Variants in AXDND1 observed in about 807,000 individuals in gnomAD.
AXDND1 encodes axonemal dynein light chain domain containing 1.
AXDND1 carries 110 observed loss-of-function variants against 137.5 expected under a neutral mutation model. The ratio of observed to expected loss-of-function variants is 0.80; its 90% CI spans 0.69 to 0.94. AXDND1 has a LOEUF of 0.94. Ranked by LOEUF, AXDND1 falls within the 40% of genes least tolerant of loss-of-function variation. The pLI is 0.00. For missense variants in AXDND1, 1,191 were observed against 1,169.8 expected, an observed-to-expected ratio of 1.02 and a Z score of -0.26; for synonymous variants, 414 against 399.7, an observed-to-expected ratio of 1.04 and a Z score of -0.43.
chr1:179,523,732 G>T (rs981788658), intron 21 of AXDND1, among the ~76,000 whole-genome samples: 1 of 151,886 alleles, frequency 6.6e-6, no homozygotes, highest in Non-Finnish European at 1.5e-5. Flanking sequence ...TTCCCAATAG[G>T]TTTTTGGGGA....
intron 12 of AXDND1, among the ~76,000 whole-genome samples, chr1:179,417,860 C>A (rs1298037825): frequency 1.3e-5 from 2 of 151,848 alleles, no homozygotes; most frequent in East Asian, 3.9e-4. Context: ...AATATATTTC[C>A]ATTTTTTATG....
intron 12 of AXDND1, among the ~76,000 whole-genome samples, chr1:179,414,278 A>G (rs1654347729): frequency 1.3e-5 from 2 of 152,082 alleles, no homozygotes; most frequent in African/African-American, 2.4e-5. Flanking sequence ...AAGAAGGGAT[A>G]AGACCTGTAT....
At chr1:179,499,737 A>C (rs1463511644) in intron 20 of AXDND1, among the ~76,000 whole-genome samples, 1 of 152,216 alleles carries the variant, frequency 6.6e-6, no homozygotes, top group East Asian at 1.9e-4. Context: ...TAAGACAAAA[A>C]GATGCAAAAA....
intron 18 of AXDND1, among the ~76,000 whole-genome samples, chr1:179,484,706 T>A (rs1443115035): frequency 6.6e-6 from 1 of 152,170 alleles, no homozygotes; most frequent in Non-Finnish European, 1.5e-5. Context: ...TTTGCTAGTG[T>A]GGTTGCATGT....
chr1:179,534,715 T>C lies in AXDND1; in HGVS notation c.2799-15T>C, dbSNP rs1671349444. ...CAACCCTTTCTATTTTGTTGTGTCT[T>C]CTCTTCCATATCAGGGAGGTTGAAA... On this transcript the variant is annotated splice_polypyrimidine_tract_variant and intron_variant, in intron 24 of 25. Transcript: ENST00000367618. 1 of 1,563,178 alleles carries C rather than the reference T, an allele frequency of 6.4e-7. No homozygotes were observed. The highest frequency in any genetic ancestry group is 8.6e-7 in the Non-Finnish European group (1 of 1,164,498).
At chr1:179,404,474 G>A (rs759605961) in intron 11 of AXDND1, among the ~76,000 whole-genome samples, 5 of 135,032 alleles carry the variant, frequency 3.7e-5, no homozygotes, top group South Asian at 5.0e-4. Context: ...CCTCTGCCTC[G>A]CCCTCCCAAA....
chr1:179,493,014 A>G (rs7549194), intron 20 of AXDND1, 63 bp downstream of exon 20: 1,234,654 of 1,235,172 alleles, frequency 1, 617,070 homozygotes, highest in Middle Eastern at 1. Context: ...AGATTTTTGA[A>G]GTTCAATTGA....
intron 17 of AXDND1, 110 bp downstream of exon 17, chr1:179,468,751 G>T (rs752571917): frequency 2.4e-6 from 2 of 827,952 alleles, no homozygotes; most frequent in East Asian, 2.9e-5. Context: ...GTGGTGTTCA[G>T]TATATTTATA....
At chr1:179,379,359 A>C (rs747758324) in intron 5 of AXDND1, 38 bp from the exon 6 acceptor site, 1 of 1,591,574 alleles carries the variant, frequency 6.3e-7, no homozygotes, top group Admixed American at 1.7e-5. Flanking sequence ...CTCTATTAAT[A>C]TATTCATTCT....
chr1:179,436,605 C>T (rs1197751001), intron 15 of AXDND1, among the ~76,000 whole-genome samples: 1 of 152,202 alleles, frequency 6.6e-6, no homozygotes, highest in Non-Finnish European at 1.5e-5. Context: ...AAACAAAACA[C>T]TGCTTGTTCT....
intron 25 of AXDND1, chr1:179,551,546 C>T: frequency 6.9e-7 from 1 of 1,441,622 alleles, no homozygotes; most frequent in Middle Eastern, 2.4e-4. Flanking sequence ...CACTGAGCAT[C>T]TACTATGTGG....
chr1:179,466,702 G>A (rs972054886), intron 16 of AXDND1, among the ~76,000 whole-genome samples: 1 of 151,946 alleles, frequency 6.6e-6, no homozygotes, highest in Non-Finnish European at 1.5e-5. Context: ...CTGTATTTTT[G>A]TCTTGGTTTT....
At chr1:179,428,105 G>A (rs371891706) in intron 12 of AXDND1, among the ~76,000 whole-genome samples, 1 of 152,164 alleles carries the variant, frequency 6.6e-6, no homozygotes, top group African/African-American at 2.4e-5. Context: ...TCTCTGAAAT[G>A]GTCAGACCTC....
chr1:179,368,380 G>C (rs918924042), intron 2 of AXDND1, among the ~76,000 whole-genome samples: 1 of 152,076 alleles, frequency 6.6e-6, no homozygotes, highest in South Asian at 2.1e-4. Context: ...TCTCACCTTT[G>C]AATTCATGTA....
intron 23 of AXDND1, among the ~76,000 whole-genome samples, chr1:179,531,460 G>A (rs995313178): frequency 3.3e-5 from 5 of 152,100 alleles, no homozygotes; most frequent in Admixed American, 2.6e-4. Flanking sequence ...CCAGGAATGA[G>A]CCAAGTCAGC....
At chr1:179,416,263 G>C (rs1654692666) in intron 12 of AXDND1, among the ~76,000 whole-genome samples, 1 of 152,110 alleles carries the variant, frequency 6.6e-6, no homozygotes, top group Non-Finnish European at 1.5e-5. Context: ...GCAAATGATA[G>C]GATTTTATTA....
At chr1:179,368,059 G>A (rs1008348677) in intron 2 of AXDND1, among the ~76,000 whole-genome samples, 2 of 149,970 alleles carry the variant, frequency 1.3e-5, no homozygotes, top group African/African-American at 2.5e-5. Context: ...AGTAATCAAA[G>A]CATGATACCT....
intron 12 of AXDND1, among the ~76,000 whole-genome samples, chr1:179,418,688 C>G (rs951554667): frequency 2.0e-5 from 3 of 151,286 alleles, no homozygotes; most frequent in Admixed American, 6.6e-5. Flanking sequence ...CACCTCCCTC[C>G]CGGACGGGGC....
intron 9 of AXDND1, among the ~76,000 whole-genome samples, chr1:179,387,764 G>A (rs1455706019): frequency 6.6e-6 from 1 of 152,176 alleles, no homozygotes; most frequent in Non-Finnish European, 1.5e-5. Context: ...CATATCCAAT[G>A]TCCCATGAAT....
Sources: allele counts gnomAD v4.1 joint callset (sites outside exome capture counted in the v4.1 genomes callset), GRCh38; gene constraint gnomAD v4.1.1; transcripts MANE v1.5; gene names NCBI Gene and HGNC (gene_info 2026-07-23, HGNC 2026-07-21).